TP63: variants seen among roughly 807,000 people sequenced by gnomAD.
TP63 encodes tumor protein 63.
A neutral mutation model predicts 82.8 loss-of-function variants in TP63; 17 were observed. The observed-to-expected ratio is 0.21, with a 90% CI of 0.14 to 0.31. The LOEUF is 0.31. Ranked by LOEUF, TP63 falls within the 10% of genes least tolerant of loss-of-function variation. TP63 has a pLI of 1.00. For missense variants in TP63, 648 were observed against 895.3 expected (o/e 0.72, Z 3.52); for synonymous variants, 330 against 321.7 (o/e 1.03, Z -0.28).
chr3:189,816,259 A>T (rs1356809709), intron 4 of TP63, among the ~76,000 whole-genome samples: 1 of 152,238 alleles, frequency 6.6e-6, no homozygotes, highest in African/African-American at 2.4e-5. Flanking sequence ...CTGGAAAACT[A>T]TATCATTAAG....
chr3:189,727,720 C>G (rs1313690728), intron 1 of TP63, among the ~76,000 whole-genome samples: 3 of 152,076 alleles, frequency 2.0e-5, no homozygotes, highest in Non-Finnish European at 4.4e-5. Context: ...ATGCATTTTT[C>G]TTCAAGTGTT....
At chr3:189,876,610 A>G (rs895023850) in intron 10 of TP63, among the ~76,000 whole-genome samples, 3 of 150,758 alleles carry the variant, frequency 2.0e-5, no homozygotes, top group African/African-American at 5.0e-5. Flanking sequence ...AATCTAACAG[A>G]CTGCAAAATT....
At chr3:189,647,266 A>T (rs1022481854) in intron 1 of TP63, among the ~76,000 whole-genome samples, 1 of 146,898 alleles carries the variant, frequency 6.8e-6, no homozygotes, top group African/African-American at 2.5e-5. Flanking sequence ...GCTAACAGTG[A>T]CTATTTTGTC....
chr3:189,682,076 T>C (rs1715961722), intron 1 of TP63, among the ~76,000 whole-genome samples: 2 of 152,068 alleles, frequency 1.3e-5, no homozygotes, highest in Admixed American at 1.3e-4. Flanking sequence ...CTACTAAAAA[T>C]ACAAAAATTA....
chr3:189,858,180 C>T lies in TP63; in HGVS notation c.580-6052C>T, dbSNP rs1211701622. The stretch of plus-strand genomic sequence containing the variant: ...CAGCACTTTGGGAGGCCGAGGCGGG[C>T]GGATCACGAGGTCAGGAGATCGAGA... On this transcript the variant is annotated intron_variant, in intron 4 of 13. Coordinates refer to ENST00000264731, the MANE Select transcript of TP63 (RefSeq NM_003722.5). 7.6e-4 allele frequency among the ~76,000 whole-genome samples: 11 copies of T among 14,530 alleles called. 4 individuals carry two copies. The highest frequency in any genetic ancestry group is 9.8e-4 in the Non-Finnish European group (6 of 6,092). 9.5% of individuals were successfully genotyped at this position (14,530 alleles called of 152,430 possible).
At chr3:189,767,605 C>A (rs994057815) in intron 3 of TP63, among the ~76,000 whole-genome samples, 2 of 152,110 alleles carry the variant, frequency 1.3e-5, no homozygotes, top group East Asian at 1.9e-4. Flanking sequence ...TCCTCTGGAA[C>A]AATATGATGA....
Position 189,686,260 on chromosome 3 carries a change from A to C in TP63, c.63-51480A>C, listed in dbSNP as rs6797174. The stretch of plus-strand genomic sequence containing the variant: ...CTTTTACCTGTTTTCTTTTTATGAG[A>C]CAAAACTTATATTTTAGATTCTGTC... On this transcript the variant is annotated intron_variant, in intron 1 of 13. Coordinates refer to ENST00000264731, the MANE Select transcript of TP63 (RefSeq NM_003722.5). Among the ~76,000 whole-genome samples the C allele has an allele frequency of 4.9e-4, 75 of 152,034 alleles. 2 individuals are homozygous for C. The East Asian group carries it at 0.013, about 25-fold the overall frequency.
chr3:189,700,856 A>AT (rs1393168248), intron 1 of TP63, among the ~76,000 whole-genome samples: 1 of 152,122 alleles, frequency 6.6e-6, no homozygotes, highest in East Asian at 1.9e-4. Flanking sequence ...TTGGGATGGG[A>AT]TGGTAATAAT....
chr3:189,723,571 A>G (rs752586983), intron 1 of TP63, among the ~76,000 whole-genome samples: 2 of 152,210 alleles, frequency 1.3e-5, no homozygotes, highest in African/African-American at 4.8e-5. Flanking sequence ...TGTGCCATAT[A>G]CTGTGCTAAT....
the TP63 span, among the ~76,000 whole-genome samples, chr3:189,603,104 T>C: frequency 6.6e-6 from 1 of 152,158 alleles, no homozygotes; most frequent in East Asian, 1.9e-4. Flanking sequence ...GACTCAGTTA[T>C]TAGGATTATA....
intron 13 of TP63, among the ~76,000 whole-genome samples, chr3:189,891,796 C>T (rs1490035938): frequency 2.6e-5 from 4 of 152,210 alleles, no homozygotes; most frequent in Non-Finnish European, 4.4e-5. Flanking sequence ...ATGCTGCTCT[C>T]TTTGGGGTTC....
At chr3:189,694,431 C>T (rs569277363) in intron 1 of TP63, among the ~76,000 whole-genome samples, 21 of 152,256 alleles carry the variant, frequency 1.4e-4, no homozygotes, top group South Asian at 8.3e-4. Context: ...ATTTAGCCAT[C>T]ATGTTGCCTT....
At chr3:189,600,086 C>A in the TP63 span, among the ~76,000 whole-genome samples, 1 of 152,052 alleles carries the variant, frequency 6.6e-6, no homozygotes, top group East Asian at 1.9e-4. Context: ...AGTCAAAGAT[C>A]TTGTCTGATA....
chr3:189,597,394 C>T, the TP63 span, among the ~76,000 whole-genome samples: 1 of 145,370 alleles, frequency 6.9e-6, no homozygotes, highest in African/African-American at 2.5e-5. Flanking sequence ...CAGTACCTGA[C>T]AGGTTTAAAG....
intron 3 of TP63, chr3:189,789,735 G>A (rs1049647566): frequency 2.6e-6 from 4 of 1,535,972 alleles, no homozygotes; most frequent in Middle Eastern, 1.7e-4. Context: ...GTCTCGGGGT[G>A]GGGGGGTTGG....
chr3:189,836,232 C>T (rs756909206), intron 4 of TP63, among the ~76,000 whole-genome samples: 5 of 152,122 alleles, frequency 3.3e-5, no homozygotes, highest in Non-Finnish European at 7.4e-5. Flanking sequence ...AACTTAAAAT[C>T]AAAGAATCCC....
intron 4 of TP63, among the ~76,000 whole-genome samples, chr3:189,838,590 A>G (rs1468827703): frequency 6.6e-6 from 1 of 152,026 alleles, no homozygotes; most frequent in African/African-American, 2.4e-5. Flanking sequence ...CACCCCCTAC[A>G]CCTACCCCCA....
intron 1 of TP63, among the ~76,000 whole-genome samples, chr3:189,727,894 T>TAAACA (rs1295924187): frequency 6.6e-6 from 1 of 152,260 alleles, no homozygotes; most frequent in East Asian, 1.9e-4. Flanking sequence ...AAATGACATT[T>TAAACA]TAAACAAGAT....
At position 189,641,080 on chromosome 3, in the gene TP63, T is replaced by C. The variant is rs182568739; in HGVS notation, c.62+9503T>C. Among the ~76,000 whole-genome samples the C allele has an allele frequency of 3.7e-3, 561 of 152,188 alleles. 3 individuals are homozygous for C. Among genetic ancestry groups the C allele is most frequent in the Middle Eastern group, 6.8e-3 (2 of 294 alleles). ...AATAAATTCATAAATTCTATTTGGT[T>C]GGGGGGACAAGGAACAATAGGAGAA... On this transcript the variant is annotated intron_variant, in intron 1 of 13. Coordinates refer to ENST00000264731, the MANE Select transcript of TP63 (RefSeq NM_003722.5).
Sources: allele counts gnomAD v4.1 joint callset (sites outside exome capture counted in the v4.1 genomes callset), GRCh38; gene constraint gnomAD v4.1.1; transcripts MANE v1.5; gene names NCBI Gene and HGNC (gene_info 2026-07-23, HGNC 2026-07-21).